Variants in MDGA1 observed in about 807,000 individuals in gnomAD.
MDGA1 encodes MAM domain-containing glycosylphosphatidylinositol anchor protein 1.
MDGA1 carries 54 observed loss-of-function variants against 101.5 expected under a neutral mutation model. That is an observed-to-expected ratio of 0.53 (90% CI 0.43 to 0.67). The LOEUF is 0.67. MDGA1 is among the 30% of genes least tolerant of loss of function. MDGA1 has a pLI of 0.00. For missense variants in MDGA1, 1,083 were observed against 1,323.8 expected (o/e 0.82, Z 2.82); for synonymous variants, 533 against 558.3 (o/e 0.95, Z 0.64).
In MDGA1 at chr6:37,649,102, C is replaced by A; in HGVS notation, c.1774G>T (p.Ala592Ser). 1 of 1,521,480 alleles carries A rather than the reference C, an allele frequency of 6.6e-7. No homozygotes were observed. Among genetic ancestry groups the A allele is most frequent in the Non-Finnish European group, 8.8e-7 (1 of 1,137,022 alleles). 94.2% of individuals were successfully genotyped at this position (1,521,480 alleles called of 1,614,324 possible). ...LPPPPVVPAA[A>S]EAPDHAELRL... ...AGCTCCGCGTGATCCGGCGCCTCGG[C>A]GGCGGCGGGAACAACAGGCGGCGGC... Residue 592 changes from alanine to serine, a missense_variant, in exon 9 of 17, where the codon GCC becomes TCC. This residue lies in a region of MDGA1 where 657 missense variants were observed against 771.4 expected (regional missense o/e 0.85). Coordinates refer to ENST00000434837, the MANE Select transcript of MDGA1 (RefSeq NM_153487.4).
Position 37,681,003 on chromosome 6 carries a change from C to T in MDGA1, c.67+15742G>A, listed in dbSNP as rs115040875. The stretch of plus-strand genomic sequence containing the variant: ...GCCCACCCTTCCTCCTCAGCCCCCC[C>T]CCCCCAGGAAACCTGGGCAGGACCA... On this transcript the variant is annotated intron_variant, in intron 1 of 16. Transcript: ENST00000434837. Among the ~76,000 whole-genome samples, 6 of 151,930 alleles carry T rather than the reference C, an allele frequency of 3.9e-5. 1 individual carries two copies. The highest frequency in any genetic ancestry group is 3.9e-4 in the East Asian group (2 of 5,170).
rs984187842 is a variant in MDGA1 at position 37,638,932 on chromosome 6, A to G, written c.2537-265T>C. ...TCTTTCCTGCCCTGCTAATCAGCTA[A>G]TCTCCCCAACCCCAAACACACACAT... On this transcript the variant is annotated intron_variant, in intron 14 of 16. Transcript: ENST00000434837. The surrounding 1 kb of genome is among the most constrained non-coding windows in gnomAD (Gnocchi z 4.8). The G allele has an allele frequency of 4.9e-5, 20 of 408,256 alleles. No individual in the cohort carries two copies. The highest frequency in any genetic ancestry group is 4.1e-4 in the African/African-American group (20 of 48,956). 25.3% of individuals were successfully genotyped at this position (408,256 alleles called of 1,614,324 possible).
intron 1 of MDGA1, among the ~76,000 whole-genome samples, chr6:37,687,589 T>C (rs1355620298): frequency 6.6e-6 from 1 of 151,960 alleles, no homozygotes; most frequent in Non-Finnish European, 1.5e-5. Flanking sequence ...TTTTGCTGGT[T>C]TTACATTGAA....
At chr6:37,671,048 G>A (rs1761858719) in intron 1 of MDGA1, among the ~76,000 whole-genome samples, 1 of 152,140 alleles carries the variant, frequency 6.6e-6, no homozygotes, top group Non-Finnish European at 1.5e-5. Flanking sequence ...GTGCTTCCTT[G>A]CCTCTGGTCT....
At chr6:37,688,331 G>A (rs1762240132) in intron 1 of MDGA1, among the ~76,000 whole-genome samples, 1 of 152,182 alleles carries the variant, frequency 6.6e-6, no homozygotes, top group African/African-American at 2.4e-5. Context: ...CTCTCCAGGT[G>A]GTTCTGACAT....
In MDGA1 at chr6:37,654,248, CTCCCACCCCT is replaced by C. The variant is rs1561846884; in HGVS notation, c.982+16_982+25del. 2 of 1,518,108 alleles carry C rather than the reference CTCCCACCCCT, an allele frequency of 1.3e-6. No individual in the cohort carries two copies. Among genetic ancestry groups the C allele is most frequent in the East Asian group, 4.6e-5 (2 of 43,862 alleles). 94.0% of individuals were successfully genotyped at this position (1,518,108 alleles called of 1,614,324 possible). A position where few individuals can be genotyped will look rare whatever the true frequency, so the allele number is the denominator to read the frequency against. ...GGACCTTGTCTGCCTCACAACTTCC[CTCCCACCCCT>C]TCTGAGGCCACGTACATCGCACCAG... On this transcript the variant is annotated intron_variant, in intron 6 of 16. Transcript: ENST00000434837.
chr6:37,693,536 G>A (rs912970606), intron 1 of MDGA1, among the ~76,000 whole-genome samples: 2 of 152,190 alleles, frequency 1.3e-5, no homozygotes, highest in Admixed American at 6.5e-5. Context: ...ATAATTCAGG[G>A]GTTTGTTGTG....
rs373430603 is a variant in MDGA1 at position 37,638,308 on chromosome 6, A to G, written c.2673T>C (p.Ile891=). The change falls in exon 16 of 17, where the codon ATT becomes ATC. Residue 891 remains isoleucine, a synonymous_variant. Coordinates refer to ENST00000434837, the MANE Select transcript of MDGA1 (RefSeq NM_153487.4). The surrounding 1 kb of genome is among the most constrained non-coding windows in gnomAD (Gnocchi z 4.8). ...PISPSGPFQI[I]FEGVRGPGYL... ...AGCCCGGGCCTCGAACCCCCTCAAA[A>G]ATAATCTGGGGTGGGGTCAGAAAGC... 5.1e-5 allele frequency: 82 copies of G among 1,604,240 alleles called. 1 individual carries two copies. In the African/African-American group the frequency reaches 9.8e-4, roughly 19 times the overall value.
At chr6:37,658,560 G>T in intron 2 of MDGA1, 141 bp from the exon 3 acceptor site, 2 of 787,362 alleles carry the variant, frequency 2.5e-6, no homozygotes, top group East Asian at 2.7e-5. Flanking sequence ...CCTAGGAAAC[G>T]AACCCAGACA....
rs957578904 is a variant in MDGA1 at position 37,635,223 on chromosome 6, G to T, written c.*2145C>A. 2.6e-6 allele frequency: 1 copy of T among 379,698 alleles called. No individual in the cohort carries two copies. The highest frequency in any genetic ancestry group is 2.1e-5 in the African/African-American group (1 of 48,320). The allele number at this position is 379,698 out of a possible 1,614,324, so 23.5% of individuals were successfully genotyped here. On this transcript the variant is annotated 3_prime_UTR_variant, in exon 17 of 17. Coordinates refer to ENST00000434837, the MANE Select transcript of MDGA1 (RefSeq NM_153487.4). ...GGACTCTGGTGGTTCTATTCTGCAG[G>T]CAAGGCCAGGAACCACTGATTACAG...
At chr6:37,662,520 C>A (rs192926546) in intron 2 of MDGA1, among the ~76,000 whole-genome samples, 24 of 151,720 alleles carry the variant, frequency 1.6e-4, no homozygotes, top group African/African-American at 4.1e-4. Flanking sequence ...CCTGTGGTCT[C>A]AGCTACTTGG....
rs774029998 is a variant in MDGA1 at position 37,652,234 on chromosome 6, G to A, written c.1089C>T (p.Pro363=). 3.1e-6 allele frequency: 5 copies of A among 1,613,866 alleles called. No homozygotes were observed. The highest frequency in any genetic ancestry group is 4.2e-6 in the Non-Finnish European group (5 of 1,179,878). The change falls in exon 7 of 17, where the codon CCC becomes CCT. Residue 363 remains proline (P), a synonymous_variant. Coordinates refer to ENST00000434837, the MANE Select transcript of MDGA1 (RefSeq NM_153487.4). This position sits in a 1 kb window ranked among gnomAD's most constrained non-coding sequence, Gnocchi z 4.3. ...ACCACTGGTAGGTCACCTTCTCCTG[G>A]GGCACTGCATCCACGTGGCACGATA... ...LKLSCHVDAV[P]QEKVTYQWFK... is the part of the protein sequence containing the mutation.
chr6:37,646,255 G>T lies in MDGA1; in HGVS notation c.2167C>A (p.Pro723Thr). ...VPHSYEVRLTPYTTFGAGDMA... is the reference protein window; with the variant it reads ...VPHSYEVRLTTYTTFGAGDMA... ...TCACCAGCCCCGAAGGTGGTATAGGGTGTGAGGCGGACCTCATAGCTGTGG... is the reference window on the plus strand; with the variant it reads ...TCACCAGCCCCGAAGGTGGTATAGGTTGTGAGGCGGACCTCATAGCTGTGG... The change falls in exon 11 of 17, where the codon CCC (proline) becomes ACC (threonine). Residue 723 changes from proline to threonine, a missense_variant. By Grantham distance (38) the Pro-to-Thr change is conservative (BLOSUM62 -1). Transcript: ENST00000434837. 1 of 1,605,660 alleles carries T rather than the reference G, an allele frequency of 6.2e-7. No individual in the cohort carries two copies. The highest frequency in any genetic ancestry group is 8.5e-7 in the Non-Finnish European group (1 of 1,175,300).
intron 1 of MDGA1, among the ~76,000 whole-genome samples, chr6:37,684,251 C>T (rs1762153001): frequency 6.6e-6 from 1 of 152,184 alleles, no homozygotes; most frequent in African/African-American, 2.4e-5. Context: ...TGGAGACTGG[C>T]AGCAACCTCC....
At position 37,650,105 on chromosome 6, in the gene MDGA1, T is replaced by A. The variant is rs1761321253; in HGVS notation, c.1609+4A>T. 18 of 1,609,592 alleles carry A rather than the reference T, an allele frequency of 1.1e-5. No homozygotes were observed. The highest frequency in any genetic ancestry group is 1.4e-5 in the Non-Finnish European group (17 of 1,176,872). The stretch of plus-strand genomic sequence containing the variant: ...AGGTAGTCCGGGTGGCGTGGTGGAC[T>A]CACACTGCACGTTCAGCTGCACCTG... On this transcript the variant is annotated splice_donor_region_variant and intron_variant, in intron 8 of 16. Coordinates refer to ENST00000434837, the MANE Select transcript of MDGA1 (RefSeq NM_153487.4).
In MDGA1 at chr6:37,635,964, C is replaced by A. The variant is rs936512940; in HGVS notation, c.*1404G>T. 1 of 385,632 alleles carries A rather than the reference C, an allele frequency of 2.6e-6. No individual in the cohort carries two copies. The highest frequency in any genetic ancestry group is 4.6e-6 in the Non-Finnish European group (1 of 218,018). The allele number at this position is 385,632 out of a possible 1,614,324, so 23.9% of individuals were successfully genotyped here. A position where few individuals can be genotyped will look rare whatever the true frequency, so the allele number is the denominator to read the frequency against. On this transcript the variant is annotated 3_prime_UTR_variant, in exon 17 of 17. Coordinates refer to ENST00000434837, the MANE Select transcript of MDGA1 (RefSeq NM_153487.4). Reference sequence around the variant, plus strand: ...TCTCACAGGCAGATATGTGAGATTGCACACACAGACCTGTGTTTGCACACA... The same window carrying A: ...TCTCACAGGCAGATATGTGAGATTGAACACACAGACCTGTGTTTGCACACA...
chr6:37,683,826 C>G (rs990475065), intron 1 of MDGA1, among the ~76,000 whole-genome samples: 12 of 152,230 alleles, frequency 7.9e-5, no homozygotes, highest in Admixed American at 7.2e-4. Flanking sequence ...GGACTTACCT[C>G]CCAAATAATT....
chr6:37,666,128 A>C (rs567772302), intron 1 of MDGA1, among the ~76,000 whole-genome samples: 1 of 151,536 alleles, frequency 6.6e-6, no homozygotes, highest in East Asian at 1.9e-4. Flanking sequence ...CGGGTGGATC[A>C]CGAGGTCAGG....
chr6:37,692,983 G>A (rs1228257068), intron 1 of MDGA1, among the ~76,000 whole-genome samples: 1 of 152,220 alleles, frequency 6.6e-6, no homozygotes, highest in African/African-American at 2.4e-5. Flanking sequence ...TGACACCAAG[G>A]GTCTGGGGAC....
Sources: gnomAD v4.1 joint callset for allele counts (sites outside exome capture counted in the v4.1 genomes callset) on GRCh38, gnomAD v4.1.1 for gene constraint, gnomAD v4.1.1 regional missense constraint, Gnocchi (gnomAD v3.1) non-coding constraint, MANE v1.5 for transcripts, NCBI Gene and HGNC (gene_info 2026-07-23, HGNC 2026-07-21) for gene names.